The following ADGRL2 variants were observed in gnomAD, a reference collection of about 807,000 sequenced individuals.
The protein encoded by ADGRL2 is adhesion G protein-coupled receptor L2.
Under a neutral mutation model 157.4 loss-of-function variants are expected in ADGRL2, and 44 were observed. That is an observed-to-expected ratio of 0.28 (90% CI 0.22 to 0.36). The LOEUF (loss-of-function observed/expected upper bound fraction) is 0.36, where lower values mean the gene tolerates loss of function less well. Among genes scored for constraint, ADGRL2 ranks in the 10% least tolerant of loss-of-function variants. ADGRL2 has a pLI of 1.00. For synonymous variants in ADGRL2, 585 were observed against 624.7 expected, an observed-to-expected ratio of 0.94 and a Z score of 0.95; for missense variants, 1,510 against 1,768.9, an observed-to-expected ratio of 0.85 and a Z score of 2.63.
At chr1:81,877,641 G>C (rs1298982653) in intron 2 of ADGRL2, among the ~76,000 whole-genome samples, 1 of 151,856 alleles carries the variant, frequency 6.6e-6, no homozygotes, top group African/African-American at 2.4e-5. Context: ...ACTAAACCTA[G>C]GAACAATACG....
At position 81,802,985 on chromosome 1, in the gene ADGRL2, G is replaced by T. The variant is rs139534236; in HGVS notation, c.-101+1917G>T. Among the ~76,000 whole-genome samples the T allele has an allele frequency of 4.0e-3, 612 of 152,234 alleles. 2 individuals are homozygous for T. Among genetic ancestry groups the T allele is most frequent in the Non-Finnish European group, 4.0e-3 (269 of 67,994 alleles). ...GGGTCGGGAGGGTGCAGGGGCCGGGGACCCGGCGGGCCACGGGGAGGGCAG... is the reference window on the plus strand; with the variant it reads ...GGGTCGGGAGGGTGCAGGGGCCGGGTACCCGGCGGGCCACGGGGAGGGCAG... On this transcript the variant is annotated intron_variant, in intron 1 of 23. Coordinates refer to ENST00000686636, the MANE Select transcript of ADGRL2 (RefSeq NM_001366006.2).
Position 81,950,192 on chromosome 1 carries a change from C to G in ADGRL2, c.1214C>G (p.Pro405Arg). The change falls in exon 7 of 24, where the codon CCT becomes CGT. Residue 405 changes from proline to arginine, a missense_variant. By Grantham distance (103) the Pro-to-Arg change is moderately radical. This residue lies in a region of ADGRL2 where 325 missense variants were observed against 333.2 expected (regional missense o/e 0.98). Transcript: ENST00000686636. ...EFGPPDPAQV[P>R]TTAVTITSSA... is the part of the protein sequence containing the mutation. ...TATACTCATCTTTTTTCCATAGTGC[C>G]TACCACAGCTGTGACAATAACTTCT... 3 of 1,613,306 alleles carry G rather than the reference C, an allele frequency of 1.9e-6. No homozygotes were observed. The highest frequency in any genetic ancestry group is 2.5e-6 in the Non-Finnish European group (3 of 1,179,464).
intron 3 of ADGRL2, among the ~76,000 whole-genome samples, chr1:81,638,823 C>T (rs891465272): frequency 6.6e-6 from 1 of 152,038 alleles, no homozygotes; most frequent in Non-Finnish European, 1.5e-5. Flanking sequence ...GAGCACATAG[C>T]GAAACTCCAT....
chr1:81,417,441 A>C (rs534324998), intron 1 of ADGRL2, among the ~76,000 whole-genome samples: 5 of 152,276 alleles, frequency 3.3e-5, no homozygotes, highest in African/African-American at 1.2e-4. Context: ...ATTAGATCAC[A>C]ATGAGTTTTT....
chr1:81,721,621 G>A (rs557566751), intron 1 of ADGRL2: 53 of 657,656 alleles, frequency 8.1e-5, no homozygotes, highest in African/African-American at 7.8e-4. Context: ...GCTTCTGTGC[G>A]GTCACGCCAA....
chr1:81,836,303 A>G lies in ADGRL2; in HGVS notation c.-100-582A>G, dbSNP rs144538048. 3.5e-3 allele frequency among the ~76,000 whole-genome samples: 536 copies of G among 152,212 alleles called. 4 individuals are homozygous for G. The highest frequency in any genetic ancestry group is 0.012 in the African/African-American group (505 of 41,560). ...GAAGAAACTGTAAGATGTTCCTTTA[A>G]CAGAAAAGTTTGTGATTTCCTTTCC... On this transcript the variant is annotated intron_variant, in intron 1 of 23. Transcript: ENST00000686636.
In ADGRL2 at chr1:81,445,886, T is replaced by G. The variant is rs79860563; in HGVS notation, c.-248+797T>G. On this transcript the variant is annotated intron_variant, in intron 2 of 24. Coordinates refer to the ADGRL2 transcript ENST00000370721. ...ATTAGTAGGTGTAAAATGCTTAAAA[T>G]ATTGCCTGGCACCTAGTAAGCACTA... is the stretch of plus-strand genomic sequence containing the variant. 8.5e-3 allele frequency among the ~76,000 whole-genome samples: 1,290 copies of G among 152,286 alleles called. 24 individuals are homozygous for G. The highest frequency in any genetic ancestry group is 0.041 in the East Asian group (210 of 5,176).
At chr1:81,907,303 A>G (rs2094603139) in intron 3 of ADGRL2, 73 bp downstream of exon 3, 1 of 1,285,600 alleles carries the variant, frequency 7.8e-7, no homozygotes, top group Admixed American at 1.7e-5. Context: ...AGTTATTCCA[A>G]AGCGAATGGA....
intron 1 of ADGRL2, among the ~76,000 whole-genome samples, chr1:81,389,116 T>C (rs911253424): frequency 7.2e-5 from 11 of 152,290 alleles, no homozygotes; most frequent in Middle Eastern, 3.4e-3. Flanking sequence ...TATATTGTCA[T>C]CCCTTAGATG....
chr1:81,957,749 T>C (rs568462153), intron 11 of ADGRL2, among the ~76,000 whole-genome samples: 1 of 152,196 alleles, frequency 6.6e-6, no homozygotes, highest in African/African-American at 2.4e-5. Context: ...ACTAAAGGAT[T>C]ATTTTTAATG....
chr1:81,378,509 G>A (rs1353114789), intron 1 of ADGRL2, among the ~76,000 whole-genome samples: 3 of 146,922 alleles, frequency 2.0e-5, no homozygotes, highest in Non-Finnish European at 4.5e-5. Context: ...GCAGTGAGTT[G>A]TGATTGTACC....
intron 2 of ADGRL2, among the ~76,000 whole-genome samples, chr1:81,536,826 T>G (rs566208917): frequency 2.6e-5 from 4 of 152,344 alleles, no homozygotes; most frequent in African/African-American, 9.6e-5. Flanking sequence ...TATAATCATG[T>G]GAAATTCATG....
At chr1:81,670,764 G>A (rs2082858519) in intron 3 of ADGRL2, among the ~76,000 whole-genome samples, 1 of 152,224 alleles carries the variant, frequency 6.6e-6, no homozygotes, top group Non-Finnish European at 1.5e-5. Flanking sequence ...TGCCCAGGCT[G>A]GGTGCAATGG....
intron 3 of ADGRL2, among the ~76,000 whole-genome samples, chr1:81,669,558 A>C (rs997021203): frequency 6.6e-6 from 1 of 152,176 alleles, no homozygotes; most frequent in Non-Finnish European, 1.5e-5. Flanking sequence ...ATCTACCTGA[A>C]GAGACAAACA....
chr1:81,981,051 G>T, intron 18 of ADGRL2: 2 of 426,330 alleles, frequency 4.7e-6, no homozygotes, highest in Non-Finnish European at 8.8e-6. Flanking sequence ...ATATATAAAT[G>T]CTTTCTTATT....
intron 1 of ADGRL2, among the ~76,000 whole-genome samples, chr1:81,750,166 A>G (rs973156238): frequency 6.6e-6 from 1 of 152,294 alleles, no homozygotes; most frequent in Middle Eastern, 3.4e-3. Flanking sequence ...TTCTTTTTCT[A>G]TCTTTCTGTT....
At chr1:81,706,807 G>A (rs1378727916) in intron 1 of ADGRL2, among the ~76,000 whole-genome samples, 1 of 152,048 alleles carries the variant, frequency 6.6e-6, no homozygotes, top group Non-Finnish European at 1.5e-5. Context: ...CAAGGAAGAT[G>A]GAATATGAGA....
Position 81,969,182 on chromosome 1 carries a change from A to G in ADGRL2, c.2528A>G (p.Lys843Arg). The G allele has an allele frequency of 6.2e-7, 1 of 1,610,880 alleles. No homozygotes were observed. Residue 843 changes from lysine to arginine, a missense_variant, in exon 15 of 24, where the codon AAA (lysine) becomes AGA (arginine). Physicochemically the swap from Lys to Arg is conservative, Grantham distance 26. Around this residue, in one of 4 missense-constraint regions of ADGRL2, gnomAD observed 497 missense variants for 627.2 expected, o/e 0.79. Transcript: ENST00000686636. Reference sequence around the variant, plus strand: ...CTCATATCTTTTTATTTTCAGTATAAAGATGGCGTTCATGAATTACTTCTT... The same window carrying G: ...CTCATATCTTTTTATTTTCAGTATAGAGATGGCGTTCATGAATTACTTCTT... ...ILMAHREIAYKDGVHELLLTV... is the reference protein window; with the variant it reads ...ILMAHREIAYRDGVHELLLTV...
intron 3 of ADGRL2, among the ~76,000 whole-genome samples, chr1:81,673,883 A>G (rs1452964079): frequency 6.6e-6 from 1 of 152,176 alleles, no homozygotes; most frequent in Non-Finnish European, 1.5e-5. Flanking sequence ...GGAGGTTATA[A>G]TGTTTGAATC....
Sources: allele counts gnomAD v4.1 joint callset (sites outside exome capture counted in the v4.1 genomes callset), GRCh38; gene constraint gnomAD v4.1.1; regional missense constraint gnomAD v4.1.1; transcripts MANE v1.5; gene names NCBI Gene and HGNC (gene_info 2026-07-23, HGNC 2026-07-21).